Variants in DLG2 observed in about 807,000 individuals in gnomAD.
The protein encoded by DLG2 is disks large homolog 2.
A neutral mutation model predicts 132.5 loss-of-function variants in DLG2; 45 were observed. That is an observed-to-expected ratio of 0.34 (90% CI 0.27 to 0.44). DLG2 has a LOEUF of 0.44. Among genes scored for constraint, DLG2 ranks in the 20% least tolerant of loss-of-function variants. DLG2 has a pLI of 1.00. For synonymous variants in DLG2, 424 were observed against 419.6 expected (o/e 1.01, Z -0.13); for missense variants, 1,045 against 1,196.9 (o/e 0.87, Z 1.87).
chr11:84,785,049 G>T (rs933796507), intron 6 of DLG2, among the ~76,000 whole-genome samples: 1 of 151,808 alleles, frequency 6.6e-6, no homozygotes, highest in Non-Finnish European at 1.5e-5. Context: ...ACATCGCATG[G>T]TTCACATAAA....
At chr11:84,591,223 C>CTCTGTGTGTGTGTGTG (rs1555073566) in intron 6 of DLG2, among the ~76,000 whole-genome samples, 8,118 of 139,172 alleles carry the variant, frequency 0.058, 301 homozygotes, top group Admixed American at 0.076. Flanking sequence ...ATGTGTCTCT[C>CTCTGTGTGTGTGTGTG]TGTGTGTGTG....
chr11:85,328,748 C>G (rs2081543190), intron 3 of DLG2, among the ~76,000 whole-genome samples: 1 of 151,082 alleles, frequency 6.6e-6, no homozygotes, highest in Non-Finnish European at 1.5e-5. Flanking sequence ...CGCTCCTATT[C>G]AACATAGTGT....
intron 7 of DLG2, among the ~76,000 whole-genome samples, chr11:84,520,615 G>A (rs187907468): frequency 2.4e-3 from 368 of 152,138 alleles, no homozygotes; most frequent in African/African-American, 8.3e-3. Flanking sequence ...TCACTGCCCA[G>A]CTCCTTTTTC....
intron 6 of DLG2, among the ~76,000 whole-genome samples, chr11:84,990,766 A>G (rs2057010142): frequency 6.6e-6 from 1 of 152,038 alleles, no homozygotes; most frequent in Admixed American, 6.6e-5. Flanking sequence ...GAATCTAAAA[A>G]GAAAACTGGA....
intron 6 of DLG2, among the ~76,000 whole-genome samples, chr11:84,946,061 G>C (rs1024229328): frequency 6.6e-6 from 1 of 152,082 alleles, no homozygotes; most frequent in Non-Finnish European, 1.5e-5. Context: ...GGGCTCTTCG[G>C]TCAGCTTGTG....
At chr11:84,725,263 C>A (rs2153803769) in intron 6 of DLG2, among the ~76,000 whole-genome samples, 1 of 152,202 alleles carries the variant, frequency 6.6e-6, no homozygotes, top group East Asian at 1.9e-4. Context: ...TATTTAGTAA[C>A]TCTTTGAGAG....
intron 18 of DLG2, among the ~76,000 whole-genome samples, chr11:83,767,992 A>C (rs2094214344): frequency 1.3e-5 from 2 of 152,200 alleles, no homozygotes; most frequent in South Asian, 4.1e-4. Flanking sequence ...GCCTCTCTTC[A>C]TAAGACGTAA....
chr11:85,529,238 G>A (rs1047966893), intron 3 of DLG2, among the ~76,000 whole-genome samples: 2 of 152,080 alleles, frequency 1.3e-5, no homozygotes, highest in Admixed American at 1.3e-4. Context: ...TGAGGTCCAC[G>A]TAAAGAGCCC....
intron 21 of DLG2, among the ~76,000 whole-genome samples, chr11:83,521,622 G>A (rs1175433391): frequency 6.6e-6 from 1 of 152,130 alleles, no homozygotes; most frequent in Admixed American, 6.5e-5. Flanking sequence ...TCTGGACTCT[G>A]CCAAGTTTAT....
chr11:84,307,485 A>T (rs2098232885), intron 7 of DLG2, among the ~76,000 whole-genome samples: 1 of 152,160 alleles, frequency 6.6e-6, no homozygotes, highest in East Asian at 1.9e-4. Context: ...TCACGAAGTC[A>T]GGAGATCCAG....
intron 7 of DLG2, among the ~76,000 whole-genome samples, chr11:84,444,469 TTTTA>T (rs918679772): frequency 4.9e-4 from 75 of 152,300 alleles, no homozygotes; most frequent in African/African-American, 1.6e-3. Flanking sequence ...GTATGGCCAG[TTTTA>T]TTTATTTATT....
intron 6 of DLG2, among the ~76,000 whole-genome samples, chr11:84,952,053 G>A (rs1051229469): frequency 6.6e-6 from 1 of 152,142 alleles, no homozygotes; most frequent in Non-Finnish European, 1.5e-5. Context: ...AGCTTATAAT[G>A]TGTCCTTTTC....
At chr11:85,396,516 G>C (rs1177899709) in intron 3 of DLG2, among the ~76,000 whole-genome samples, 2 of 152,070 alleles carry the variant, frequency 1.3e-5, no homozygotes, top group African/African-American at 4.8e-5. Context: ...TCAGAAGGAA[G>C]CTAAAAACCT....
intron 3 of DLG2, among the ~76,000 whole-genome samples, chr11:85,555,997 T>C (rs2076925095): frequency 6.6e-6 from 1 of 151,892 alleles, no homozygotes; most frequent in African/African-American, 2.4e-5. Context: ...TGTCCATGTA[T>C]ACATAAATCA....
At chr11:84,522,200 G>T (rs2099304858) in intron 7 of DLG2, among the ~76,000 whole-genome samples, 3 of 150,700 alleles carry the variant, frequency 2.0e-5, no homozygotes, top group Admixed American at 2.0e-4. Context: ...AAAAAGAAAA[G>T]AAAAGAAAAA....
At chr11:84,027,229 T>C (rs1377874670) in intron 11 of DLG2, among the ~76,000 whole-genome samples, 1 of 152,126 alleles carries the variant, frequency 6.6e-6, no homozygotes, top group Non-Finnish European at 1.5e-5. Flanking sequence ...TTGCTTTAAA[T>C]GGACATAGGA....
At chr11:84,640,959 A>AC (rs1371325807) in intron 6 of DLG2, among the ~76,000 whole-genome samples, 3 of 147,654 alleles carry the variant, frequency 2.0e-5, no homozygotes, top group Non-Finnish European at 4.5e-5. Context: ...AAACAAAAAA[A>AC]AAAAACAAAA....
At chr11:84,096,585 T>C (rs934393535) in intron 10 of DLG2, among the ~76,000 whole-genome samples, 2 of 152,150 alleles carry the variant, frequency 1.3e-5, no homozygotes, top group African/African-American at 4.8e-5. Context: ...CCCCATCTTG[T>C]AGCTAAACAG....
intron 6 of DLG2, among the ~76,000 whole-genome samples, chr11:84,536,284 G>A (rs1286504682): frequency 1.3e-5 from 2 of 152,088 alleles, no homozygotes; most frequent in African/African-American, 2.4e-5. Context: ...CACCTTAACT[G>A]ACGGGCATAA....
Sources: allele counts gnomAD v4.1 joint callset (sites outside exome capture counted in the v4.1 genomes callset), GRCh38; gene constraint gnomAD v4.1.1; transcripts MANE v1.5; gene names NCBI Gene and HGNC (gene_info 2026-07-23, HGNC 2026-07-21).